The following PTPRT variants were observed in gnomAD, a reference collection of about 807,000 sequenced individuals.
The protein encoded by PTPRT is protein tyrosine phosphatase receptor type T, also known as receptor-type tyrosine-protein phosphatase T.
In PTPRT, 56 loss-of-function variants were observed where a neutral mutation model predicts 176.8. The ratio of observed to expected loss-of-function variants is 0.32; its 90% confidence interval spans 0.26 to 0.40. The LOEUF is 0.40. Ranked by LOEUF, PTPRT falls within the 10% of genes least tolerant of loss-of-function variation. The probability of loss-of-function intolerance (pLI) is 1.00; values close to 1 mark genes in which losing one functional copy is unlikely to be tolerated. For missense variants in PTPRT, 1,540 were observed against 1,908.2 expected (o/e 0.81, Z 3.60); for synonymous variants, 783 against 739.0 (o/e 1.06, Z -0.96).
At chr20:42,734,420 A>G (rs2076507547) in intron 6 of PTPRT, among the ~76,000 whole-genome samples, 1 of 152,104 alleles carries the variant, frequency 6.6e-6, no homozygotes. Flanking sequence ...TTCTTATCCA[A>G]ATCCAATAAA....
At chr20:42,873,247 C>G (rs2078874682) in intron 2 of PTPRT, among the ~76,000 whole-genome samples, 1 of 152,170 alleles carries the variant, frequency 6.6e-6, no homozygotes, top group African/African-American at 2.4e-5. Flanking sequence ...CCCTTCCCAG[C>G]ACTTCCAACC....
At chr20:42,419,901 G>C (rs563445931) in intron 9 of PTPRT, among the ~76,000 whole-genome samples, 1 of 152,172 alleles carries the variant, frequency 6.6e-6, no homozygotes, top group Admixed American at 6.5e-5. Flanking sequence ...AGAACGCCAC[G>C]TGGAGACAGA....
chr20:42,783,060 C>T (rs541951869), intron 3 of PTPRT, among the ~76,000 whole-genome samples: 1 of 152,094 alleles, frequency 6.6e-6, no homozygotes, highest in South Asian at 2.1e-4. Flanking sequence ...GGCTCAGTTG[C>T]AAAAAAATCA....
chr20:42,457,516 C>T (rs932341102), intron 8 of PTPRT, among the ~76,000 whole-genome samples: 3 of 152,086 alleles, frequency 2.0e-5, no homozygotes, highest in African/African-American at 4.8e-5. Context: ...GTAACCTTTC[C>T]GCATGCAACC....
At chr20:42,518,333 C>T (rs2072107117) in intron 7 of PTPRT, among the ~76,000 whole-genome samples, 1 of 151,814 alleles carries the variant, frequency 6.6e-6, no homozygotes, top group Admixed American at 6.6e-5. Context: ...ATCTAGGAGA[C>T]AACTTTGGTC....
At chr20:42,218,124 G>C (rs904696593) in intron 15 of PTPRT, among the ~76,000 whole-genome samples, 1 of 152,106 alleles carries the variant, frequency 6.6e-6, no homozygotes, top group African/African-American at 2.4e-5. Flanking sequence ...TCTAACAATA[G>C]GGAACTGGTT....
At chr20:42,896,635 CAAAAAAAAAAA>C (rs58679220) in intron 1 of PTPRT, among the ~76,000 whole-genome samples, 2 of 72,342 alleles carry the variant, frequency 2.8e-5, no homozygotes, top group Admixed American at 2.8e-4. Context: ...AACTCCGTCT[CAAAAAAAAAAA>C]AAAAAAAAAT....
At chr20:43,054,589 C>T (rs886864849) in intron 1 of PTPRT, among the ~76,000 whole-genome samples, 47 of 149,982 alleles carry the variant, frequency 3.1e-4, no homozygotes, top group Admixed American at 7.3e-4. Context: ...AAAAAAACAA[C>T]CTTGGTCCCT....
intron 9 of PTPRT, among the ~76,000 whole-genome samples, chr20:42,432,240 T>C (rs11905262): frequency 0.12 from 18,024 of 152,220 alleles, 1,060 homozygotes; most frequent in Middle Eastern, 0.14. Flanking sequence ...CTGCCTAACA[T>C]AGCCCTTCCT....
chr20:42,921,773 G>A (rs1027298213), intron 1 of PTPRT, among the ~76,000 whole-genome samples: 1 of 152,132 alleles, frequency 6.6e-6, no homozygotes, highest in African/African-American at 2.4e-5. Flanking sequence ...TGCTGCCACT[G>A]GGACAGTGAA....
At chr20:43,066,779 G>A (rs1201120160) in intron 1 of PTPRT, among the ~76,000 whole-genome samples, 1 of 152,122 alleles carries the variant, frequency 6.6e-6, no homozygotes, top group African/African-American at 2.4e-5. Flanking sequence ...TCTACAGCAG[G>A]GCTCAGCAAA....
intron 1 of PTPRT, among the ~76,000 whole-genome samples, chr20:42,927,642 T>C (rs2145965941): frequency 6.6e-6 from 1 of 152,132 alleles, no homozygotes; most frequent in Admixed American, 6.5e-5. Context: ...GAGCTACTCA[T>C]GGTGGTGTGG....
chr20:42,325,365 T>C (rs2057866736), intron 11 of PTPRT, among the ~76,000 whole-genome samples: 1 of 152,202 alleles, frequency 6.6e-6, no homozygotes. Context: ...TTGCATTTGA[T>C]ACATTTAATG....
At chr20:42,636,569 G>A (rs1331413728) in intron 7 of PTPRT, among the ~76,000 whole-genome samples, 1 of 151,996 alleles carries the variant, frequency 6.6e-6, no homozygotes, top group African/African-American at 2.4e-5. Context: ...GGCATCACTT[G>A]AGATCAGGAG....
chr20:42,402,277 T>G (rs566272313), intron 9 of PTPRT, among the ~76,000 whole-genome samples: 2 of 152,092 alleles, frequency 1.3e-5, no homozygotes, highest in Admixed American at 1.3e-4. Flanking sequence ...CAGCAAATTG[T>G]CCTCTTGATT....
intron 1 of PTPRT, among the ~76,000 whole-genome samples, chr20:43,120,428 C>T (rs984168884): frequency 6.6e-6 from 1 of 152,120 alleles, no homozygotes; most frequent in African/African-American, 2.4e-5. Flanking sequence ...CCCGCCACCA[C>T]GTCCGGCTAA....
At chr20:42,375,953 A>C (rs1345843692) in intron 9 of PTPRT, among the ~76,000 whole-genome samples, 1 of 152,154 alleles carries the variant, frequency 6.6e-6, no homozygotes, top group Non-Finnish European at 1.5e-5. Flanking sequence ...CAAACAAACA[A>C]CCACCATAAC....
chr20:43,013,802 G>A (rs1257771206), intron 1 of PTPRT, among the ~76,000 whole-genome samples: 1 of 152,196 alleles, frequency 6.6e-6, no homozygotes, highest in Admixed American at 6.5e-5. Context: ...AAGACATAGG[G>A]AGCTAGAAGA....
Position 42,402,388 on chromosome 20 carries a change from C to T in PTPRT, c.1560+45832G>A, listed in dbSNP as rs117787022. ...ATAATTGGGCCCAAGAGGCTGGAGG[C>T]GAGCATGCAACCAACACATTTGTGA... is the stretch of plus-strand genomic sequence containing the variant. On this transcript the variant is annotated intron_variant, in intron 9 of 30. Coordinates refer to ENST00000373187, the MANE Select transcript of PTPRT (RefSeq NM_007050.6). Among the ~76,000 whole-genome samples, 1,712 of 148,500 alleles carry T rather than the reference C, an allele frequency of 0.012. 60 individuals carry two copies. The East Asian group carries it at 0.15, about 13-fold the overall frequency.
Sources: gnomAD v4.1 joint callset for allele counts (sites outside exome capture counted in the v4.1 genomes callset) on GRCh38, gnomAD v4.1.1 for gene constraint, MANE v1.5 for transcripts, NCBI Gene and HGNC (gene_info 2026-07-23, HGNC 2026-07-21) for gene names.